Variants in MON2 observed in about 807,000 individuals in gnomAD.
MON2 encodes protein MON2 homolog.
In MON2, 84 loss-of-function variants were observed where a neutral mutation model predicts 208.6. The observed-to-expected ratio is 0.40, with a 90% CI of 0.34 to 0.48. The LOEUF is 0.48. Among genes scored for constraint, MON2 ranks in the 20% least tolerant of loss-of-function variants. MON2 has a pLI of 0.59. For synonymous variants in MON2, 660 were observed against 694.0 expected, an observed-to-expected ratio of 0.95 and a Z score of 0.77; for missense variants, 1,611 against 2,015.4, an observed-to-expected ratio of 0.80 and a Z score of 3.84.
chr12:62,501,529 A>G (rs2070832180), intron 6 of MON2, 44 bp from the exon 7 acceptor site: 1 of 1,597,350 alleles, frequency 6.3e-7, no homozygotes, highest in African/African-American at 1.3e-5. Context: ...TTGGAAAAGC[A>G]CATTTAATTC....
Position 62,600,302 on chromosome 12 carries a change from A to G in MON2, c.*7553A>G, listed in dbSNP as rs1160468544. 2 of 152,230 alleles carry G rather than the reference A, an allele frequency of 1.3e-5. No individual in the cohort carries two copies. The highest frequency in any genetic ancestry group is 4.8e-5 in the African/African-American group (2 of 41,454). 9.4% of individuals were successfully genotyped at this position (152,230 alleles called of 1,614,324 possible). On this transcript the variant is annotated 3_prime_UTR_variant, in exon 35 of 35. Transcript: ENST00000393630. ...AATAGGGACCAATTTTTTGCCTTTC[A>G]CCAGACAACCACTGAATGTTAAGAA...
intron 22 of MON2, among the ~76,000 whole-genome samples, chr12:62,547,797 A>G (rs1231567587): frequency 6.6e-6 from 1 of 152,222 alleles, no homozygotes; most frequent in African/African-American, 2.4e-5. Context: ...ACAATTGCTT[A>G]CAGTATTCAG....
chr12:62,537,584 A>G lies in MON2; in HGVS notation c.2014-18A>G, dbSNP rs752370999. ...AATACATAACAATTATTGAAAATGTATCCTTTTTAAAATATAGCTGACTTC... is the reference window on the plus strand; with the variant it reads ...AATACATAACAATTATTGAAAATGTGTCCTTTTTAAAATATAGCTGACTTC... On this transcript the variant is annotated intron_variant, in intron 15 of 34. Coordinates refer to ENST00000393630, the MANE Select transcript of MON2 (RefSeq NM_015026.3). 2.6e-6 allele frequency: 4 copies of G among 1,542,226 alleles called. No individual in the cohort carries two copies. The highest frequency in any genetic ancestry group is 3.6e-6 in the Non-Finnish European group (4 of 1,125,754).
intron 31 of MON2, among the ~76,000 whole-genome samples, chr12:62,579,800 G>A (rs1053846971): frequency 2.6e-5 from 4 of 152,088 alleles, no homozygotes; most frequent in African/African-American, 4.8e-5. Context: ...ATTGCCTTTC[G>A]TGCCATTACT....
At chr12:62,561,138 A>C (rs958057442) in intron 26 of MON2, 25 bp downstream of exon 26, 1 of 1,549,220 alleles carries the variant, frequency 6.5e-7, no homozygotes, top group East Asian at 2.2e-5. Context: ...GTGGCTAAGT[A>C]ATACTGCATA....
rs1386683160 is a variant in MON2, at chr12:62,598,115, C to T, written c.*5366C>T. The T allele has an allele frequency of 1.3e-5, 2 of 151,990 alleles. No individual in the cohort carries two copies. The highest frequency in any genetic ancestry group is 3.9e-4 in the East Asian group (2 of 5,186). The allele number at this position is 151,990 out of a possible 1,614,324, so 9.4% of individuals were successfully genotyped here. ...GCAAAGCAGTCTTTGATGGAAGACC[C>T]GGAATCTTATAGTTCTCATATCTGA... On this transcript the variant is annotated 3_prime_UTR_variant, in exon 35 of 35. Transcript: ENST00000393630.
intron 1 of MON2, among the ~76,000 whole-genome samples, chr12:62,472,254 C>T (rs1404049016): frequency 6.6e-6 from 1 of 152,064 alleles, no homozygotes; most frequent in Non-Finnish European, 1.5e-5. Context: ...AGTGAGAGAG[C>T]TAGAAGGATA....
Position 62,552,946 on chromosome 12 carries a change from G to A in MON2, c.2982G>A (p.Glu994=). The part of the protein sequence containing the change: ...ETIEKELNKE[E]AAQQKQAEEK... ...TTGAAAAAGAACTAAATAAGGAAGA[G>A]GCAGCACAGCAAAAGCAGGCAGAAG... Residue 994 remains glutamate (E), a synonymous_variant, in exon 24 of 35, where the codon GAG becomes GAA. Coordinates refer to ENST00000393630, the MANE Select transcript of MON2 (RefSeq NM_015026.3). 2 of 1,614,088 alleles carry A rather than the reference G, an allele frequency of 1.2e-6. No individual in the cohort carries two copies. The highest frequency in any genetic ancestry group is 1.7e-6 in the Non-Finnish European group (2 of 1,179,958).
intron 1 of MON2, among the ~76,000 whole-genome samples, chr12:62,473,022 A>G (rs557082300): frequency 2.0e-5 from 3 of 152,372 alleles, no homozygotes; most frequent in Admixed American, 6.5e-5. Context: ...TTATGTAAGC[A>G]TAGCTGAACA....
chr12:62,485,004 T>C (rs2069682808), intron 2 of MON2: 1 of 151,936 alleles, frequency 6.6e-6, no homozygotes, highest in African/African-American at 2.4e-5. Context: ...GGAAATATTA[T>C]CTTATTTGAT....
chr12:62,469,882 T>TTTTTA (rs1555229882), intron 1 of MON2, among the ~76,000 whole-genome samples: 2 of 117,802 alleles, frequency 1.7e-5, no homozygotes, highest in Non-Finnish European at 3.5e-5. Flanking sequence ...TTGACTATTA[T>TTTTTA]TTTATTTATT....
chr12:62,581,586 T>C (rs2075007283), intron 32 of MON2, among the ~76,000 whole-genome samples: 1 of 152,008 alleles, frequency 6.6e-6, no homozygotes. Context: ...ATTTAAAAAC[T>C]ACATTTTGGG....
rs757506252 is a variant in MON2, at chr12:62,537,723, A to G, written c.2118+17A>G. Reference sequence around the variant, plus strand: ...ACTCTTCAGGTATGTAAAAGTGTCTAGGTCAGAGATTAGTGTTGTTTTTAT... The same window carrying G: ...ACTCTTCAGGTATGTAAAAGTGTCTGGGTCAGAGATTAGTGTTGTTTTTAT... On this transcript the variant is annotated intron_variant, in intron 16 of 34. Transcript: ENST00000393630. 2 of 1,558,072 alleles carry G rather than the reference A, an allele frequency of 1.3e-6. No homozygotes were observed. Among genetic ancestry groups the G allele is most frequent in the South Asian group, 1.1e-5 (1 of 87,374 alleles).
At chr12:62,537,016 T>C (rs905727054) in intron 14 of MON2, 135 bp from the exon 15 acceptor site, 2 of 467,562 alleles carry the variant, frequency 4.3e-6, no homozygotes, top group Non-Finnish European at 7.4e-6. Flanking sequence ...AATGTTTTGA[T>C]ACAGATATTA....
intron 33 of MON2, 92 bp from the exon 34 acceptor site, chr12:62,587,982 A>G: frequency 1.3e-6 from 1 of 749,524 alleles, no homozygotes; most frequent in Non-Finnish European, 2.3e-6. Flanking sequence ...ATTTTTCAAA[A>G]GTTCATCTAT....
Position 62,560,570 on chromosome 12 carries a change from G to T in MON2, c.3489G>T (p.Leu1163=), listed in dbSNP as rs1211632040. ...TCAGCAAAAACAATGAAGTATCTCT[G>T]GCTGCTCTGAAAAGCTTCCAGGAAA... ...AALSKNNEVS[L]AALKSFQEIL... Residue 1163 remains leucine, a synonymous_variant, in exon 26 of 35, where the codon CTG becomes CTT. Transcript: ENST00000393630. 1 of 1,613,886 alleles carries T rather than the reference G, an allele frequency of 6.2e-7. No homozygotes were observed. Among genetic ancestry groups the T allele is most frequent in the Non-Finnish European group, 8.5e-7 (1 of 1,179,962 alleles).
At chr12:62,519,998 G>A (rs2071929045) in intron 8 of MON2, among the ~76,000 whole-genome samples, 1 of 152,178 alleles carries the variant, frequency 6.6e-6, no homozygotes, top group Non-Finnish European at 1.5e-5. Context: ...TGTATTTTCA[G>A]TAGAGACGGG....
At chr12:62,556,724 A>T (rs1434581208) in intron 25 of MON2, among the ~76,000 whole-genome samples, 2 of 152,192 alleles carry the variant, frequency 1.3e-5, no homozygotes, top group Non-Finnish European at 2.9e-5. Flanking sequence ...TTTGATTATC[A>T]AAGAGATTGA....
chr12:62,497,161 G>T (rs1161328429), intron 4 of MON2, among the ~76,000 whole-genome samples: 1 of 122,280 alleles, frequency 8.2e-6, no homozygotes, highest in Admixed American at 9.2e-5. Context: ...CTGTTGTGGG[G>T]TTGGGGGAGG....
Sources: allele counts gnomAD v4.1 joint callset (sites outside exome capture counted in the v4.1 genomes callset), GRCh38; gene constraint gnomAD v4.1.1; transcripts MANE v1.5; gene names NCBI Gene and HGNC (gene_info 2026-07-23, HGNC 2026-07-21).